The following LRRC1 variants were observed in gnomAD, a reference collection of about 807,000 sequenced individuals.
LRRC1 encodes the protein leucine-rich repeat-containing protein 1.
Under a neutral mutation model 69.9 loss-of-function variants are expected in LRRC1, and 28 were observed. The observed-to-expected ratio is 0.40, with a 90% CI of 0.30 to 0.55. The LOEUF (loss-of-function observed/expected upper bound fraction) is 0.55, where lower values mean the gene tolerates loss of function less well. Ranked by LOEUF, LRRC1 falls within the 20% of genes least tolerant of loss-of-function variation. LRRC1 has a pLI of 0.47. For missense variants in LRRC1, 498 were observed against 609.0 expected (o/e 0.82, Z 1.92); for synonymous variants, 236 against 240.2 (o/e 0.98, Z 0.16).
chr6:53,857,638 G>T (rs1766354318), intron 2 of LRRC1, among the ~76,000 whole-genome samples: 1 of 152,226 alleles, frequency 6.6e-6, no homozygotes, highest in African/African-American at 2.4e-5. Flanking sequence ...CAGAAGGGCT[G>T]TGGTGTAAAA....
At chr6:53,903,537 T>A (rs970427913) in intron 9 of LRRC1, among the ~76,000 whole-genome samples, 1 of 150,342 alleles carries the variant, frequency 6.7e-6, no homozygotes, top group Non-Finnish European at 1.5e-5. Flanking sequence ...CATTTTGTCA[T>A]TTTTTTTTTA....
At chr6:53,835,457 C>A (rs1765586915) in intron 1 of LRRC1, among the ~76,000 whole-genome samples, 1 of 152,214 alleles carries the variant, frequency 6.6e-6, no homozygotes, top group East Asian at 1.9e-4. Context: ...TTAAGTGATT[C>A]ACCCAGAGAT....
intron 2 of LRRC1, among the ~76,000 whole-genome samples, chr6:53,865,723 G>A (rs1581884904): frequency 1.3e-5 from 1 of 78,502 alleles, no homozygotes; most frequent in African/African-American, 4.9e-5. Flanking sequence ...TAATGACTCA[G>A]TCTTTCTTTT....
intron 13 of LRRC1, 125 bp from the exon 14 acceptor site, chr6:53,922,510 T>G: frequency 2.4e-6 from 2 of 826,998 alleles, no homozygotes; most frequent in Non-Finnish European, 3.7e-6. Context: ...AGAAAGCTTT[T>G]CCACCCATTT....
At chr6:53,841,666 T>G (rs1375173441) in intron 1 of LRRC1, among the ~76,000 whole-genome samples, 1 of 152,152 alleles carries the variant, frequency 6.6e-6, no homozygotes, top group Non-Finnish European at 1.5e-5. Flanking sequence ...GGGATATTTA[T>G]TATACTTTCT....
intron 1 of LRRC1, among the ~76,000 whole-genome samples, chr6:53,821,938 G>C (rs1468246619): frequency 6.6e-6 from 1 of 150,706 alleles, no homozygotes; most frequent in African/African-American, 2.4e-5. Flanking sequence ...GTGTGGTGAG[G>C]TTGTTATGTT....
intron 2 of LRRC1, among the ~76,000 whole-genome samples, chr6:53,876,909 G>A (rs1262803999): frequency 1.1e-4 from 16 of 152,158 alleles, no homozygotes; most frequent in South Asian, 2.1e-4. Flanking sequence ...GGAGAATAAC[G>A]GCCCTCTTCT....
chr6:53,859,179 T>C lies in LRRC1; in HGVS notation c.277+16952T>C, dbSNP rs1766415016. ...AAAGGGAAGATAGAGAAAAATATCTTGAAGGTCAGCACAGAGAAAGGGGAC... is the reference window on the plus strand; with the variant it reads ...AAAGGGAAGATAGAGAAAAATATCTCGAAGGTCAGCACAGAGAAAGGGGAC... On this transcript the variant is annotated intron_variant, in intron 2 of 13. Coordinates refer to ENST00000370888, the MANE Select transcript of LRRC1 (RefSeq NM_018214.5). Among the ~76,000 whole-genome samples the C allele has an allele frequency of 3.9e-5, 6 of 152,282 alleles. No individual in the cohort carries two copies. The South Asian group carries it at 1.2e-3, about 32-fold the overall frequency.
chr6:53,876,949 G>A (rs1445830166), intron 2 of LRRC1, among the ~76,000 whole-genome samples: 1 of 152,200 alleles, frequency 6.6e-6, no homozygotes, highest in Admixed American at 6.5e-5. Context: ...GCCCCAGTAG[G>A]GATTCTGTGT....
At chr6:53,812,506 C>A (rs3003497) in intron 1 of LRRC1, among the ~76,000 whole-genome samples, 86,990 of 145,352 alleles carry the variant, frequency 0.6, 25,201 homozygotes, top group East Asian at 0.88. Context: ...CTGGCTAACA[C>A]GGTGAAACCC....
At chr6:53,837,024 A>C (rs1765631312) in intron 1 of LRRC1, among the ~76,000 whole-genome samples, 1 of 152,176 alleles carries the variant, frequency 6.6e-6, no homozygotes, top group African/African-American at 2.4e-5. Flanking sequence ...ATTATCTCTA[A>C]GATTCATCCA....
intron 2 of LRRC1, among the ~76,000 whole-genome samples, chr6:53,875,025 T>C (rs1767019134): frequency 1.3e-5 from 2 of 152,144 alleles, no homozygotes; most frequent in South Asian, 4.1e-4. Flanking sequence ...TTTTTTAAAA[T>C]GTAAAAGAAA....
chr6:53,857,387 T>G (rs1334367261), intron 2 of LRRC1, among the ~76,000 whole-genome samples: 1 of 152,176 alleles, frequency 6.6e-6, no homozygotes, highest in Non-Finnish European at 1.5e-5. Context: ...AGGTCATCAC[T>G]TTAAACCTTA....
At chr6:53,871,387 G>T (rs1266948188) in intron 2 of LRRC1, among the ~76,000 whole-genome samples, 1 of 152,138 alleles carries the variant, frequency 6.6e-6, no homozygotes, top group African/African-American at 2.4e-5. Context: ...CTTGTGATTG[G>T]TAATGCTGGG....
At chr6:53,877,904 A>G (rs1381950601) in intron 2 of LRRC1, among the ~76,000 whole-genome samples, 2 of 152,198 alleles carry the variant, frequency 1.3e-5, no homozygotes, top group Non-Finnish European at 2.9e-5. Flanking sequence ...TCTTTTCAGC[A>G]GCAACCCACT....
At chr6:53,862,286 CGTGTGTGTGTGTG>C in intron 2 of LRRC1, among the ~76,000 whole-genome samples, 1 of 144,368 alleles carries the variant, frequency 6.9e-6, no homozygotes, top group East Asian at 2.0e-4. Flanking sequence ...TAACCTGAAT[CGTGTGTGTGTGTG>C]TGTGTGTGTG....
At chr6:53,898,560 A>C (rs1261021753) in intron 7 of LRRC1, among the ~76,000 whole-genome samples, 1 of 152,250 alleles carries the variant, frequency 6.6e-6, no homozygotes, top group East Asian at 1.9e-4. Flanking sequence ...TTATTTAAAA[A>C]TCTCATTTGC....
chr6:53,839,664 A>T (rs1183684355), intron 1 of LRRC1, among the ~76,000 whole-genome samples: 1 of 151,992 alleles, frequency 6.6e-6, no homozygotes, highest in Admixed American at 6.5e-5. Context: ...TAGTTCTTAC[A>T]GTTTCTTTCC....
chr6:53,899,615 C>T (rs748207570), intron 7 of LRRC1, 132 bp from the exon 8 acceptor site: 57 of 797,734 alleles, frequency 7.1e-5, no homozygotes, highest in Non-Finnish European at 3.6e-5. Context: ...CCTGCCTTCA[C>T]ATTTGGATTC....
Sources: gnomAD v4.1 joint callset for allele counts (sites outside exome capture counted in the v4.1 genomes callset) on GRCh38, gnomAD v4.1.1 for gene constraint, MANE v1.5 for transcripts, NCBI Gene and HGNC (gene_info 2026-07-23, HGNC 2026-07-21) for gene names.